PTPRD: variants seen among roughly 807,000 people sequenced by gnomAD.
PTPRD encodes the protein receptor-type tyrosine-protein phosphatase delta.
In PTPRD, 34 loss-of-function variants were observed where a neutral mutation model predicts 214.5. The ratio of observed to expected loss-of-function variants is 0.16; its 90% CI spans 0.12 to 0.21. The LOEUF (loss-of-function observed/expected upper bound fraction) is 0.21. Ranked by LOEUF, PTPRD falls within the 10% of genes least tolerant of loss-of-function variation. The pLI is 1.00. For missense variants in PTPRD, 2,545 were observed against 2,398.7 expected, an observed-to-expected ratio of 1.06 and a Z score of -1.27; for synonymous variants, 1,128 against 845.7, an observed-to-expected ratio of 1.33 and a Z score of -5.79.
intron 8 of PTPRD, among the ~76,000 whole-genome samples, chr9:9,441,437 T>C (rs1033286418): frequency 6.6e-6 from 1 of 152,222 alleles, no homozygotes; most frequent in Non-Finnish European, 1.5e-5. Context: ...AAGATAATGC[T>C]GTCTATGGAA....
At chr9:9,412,654 T>C (rs2075828852) in intron 8 of PTPRD, among the ~76,000 whole-genome samples, 1 of 152,188 alleles carries the variant, frequency 6.6e-6, no homozygotes, top group Non-Finnish European at 1.5e-5. Context: ...TTTGTCTTCA[T>C]ACACACCTCT....
rs758440571 is a variant in PTPRD at position 9,847,524 on chromosome 9, A to C, written c.-367-80673T>G. On this transcript the variant is annotated intron_variant, in intron 5 of 45. Coordinates refer to ENST00000381196, the MANE Select transcript of PTPRD (RefSeq NM_002839.4). ...ATAACGTCCCTGTTCTCTGGACCTA[A>C]TATGCACAGTCACCCCACTTTTTCA... is the stretch of plus-strand genomic sequence containing the variant. Among the ~76,000 whole-genome samples the C allele has an allele frequency of 2.5e-4, 38 of 152,226 alleles. 1 individual carries two copies. The highest frequency in any genetic ancestry group is 4.6e-4 in the Non-Finnish European group (31 of 68,018).
At chr9:8,929,755 A>ATATATATGTG (rs1285445116) in intron 11 of PTPRD, among the ~76,000 whole-genome samples, 24 of 58,072 alleles carry the variant, frequency 4.1e-4, no homozygotes, top group Non-Finnish European at 6.0e-4. Flanking sequence ...GTATATATAT[A>ATATATATGTG]TGTATATATA....
intron 3 of PTPRD, among the ~76,000 whole-genome samples, chr9:10,088,356 A>G (rs1364287785): frequency 6.6e-6 from 1 of 151,770 alleles, no homozygotes; most frequent in East Asian, 1.9e-4. Context: ...ATTAGAAACA[A>G]TTCTTCAATA....
At chr9:8,880,582 G>C (rs2098437292) in intron 11 of PTPRD, among the ~76,000 whole-genome samples, 1 of 152,054 alleles carries the variant, frequency 6.6e-6, no homozygotes, top group South Asian at 2.1e-4. Flanking sequence ...TTACTGCAAA[G>C]ACAAGCAAAC....
intron 3 of PTPRD, among the ~76,000 whole-genome samples, chr9:10,107,727 T>A (rs184177042): frequency 6.6e-6 from 1 of 152,244 alleles, no homozygotes. Flanking sequence ...ATATGTAGTA[T>A]GTGCTAAATA....
At chr9:8,765,127 A>G (rs2094633301) in intron 11 of PTPRD, among the ~76,000 whole-genome samples, 1 of 152,136 alleles carries the variant, frequency 6.6e-6, no homozygotes, top group African/African-American at 2.4e-5. Flanking sequence ...CAAATTTTGC[A>G]ATTACCAAAT....
At chr9:10,509,256 A>T (rs755797353) in intron 2 of PTPRD, among the ~76,000 whole-genome samples, 1 of 151,894 alleles carries the variant, frequency 6.6e-6, no homozygotes, top group Non-Finnish European at 1.5e-5. Flanking sequence ...TTCCTCATTC[A>T]TCCTTCAGTT....
intron 5 of PTPRD, among the ~76,000 whole-genome samples, chr9:9,879,290 T>C (rs578004950): frequency 5.3e-5 from 8 of 152,192 alleles, no homozygotes; most frequent in African/African-American, 1.7e-4. Flanking sequence ...TGTGTGTAGG[T>C]TGTTTAGTAG....
At chr9:10,088,638 G>A (rs1345051800) in intron 3 of PTPRD, among the ~76,000 whole-genome samples, 1 of 151,770 alleles carries the variant, frequency 6.6e-6, no homozygotes, top group Non-Finnish European at 1.5e-5. Flanking sequence ...TGTGGGGGCA[G>A]TAGTCAAGTA....
chr9:9,890,142 T>A (rs1228793439), intron 5 of PTPRD, among the ~76,000 whole-genome samples: 2 of 152,030 alleles, frequency 1.3e-5, no homozygotes, highest in East Asian at 3.9e-4. Context: ...CATTTCTGAT[T>A]TTTTAAAATA....
intron 11 of PTPRD, among the ~76,000 whole-genome samples, chr9:8,946,723 T>G (rs962698336): frequency 6.6e-6 from 1 of 152,200 alleles, no homozygotes; most frequent in African/African-American, 2.4e-5. Context: ...GATCCCCAGG[T>G]TGCTCTCTTT....
At chr9:9,058,417 T>C (rs1048573484) in intron 10 of PTPRD, among the ~76,000 whole-genome samples, 9 of 145,592 alleles carry the variant, frequency 6.2e-5, no homozygotes, top group African/African-American at 1.7e-4. Context: ...ATAATAGCAA[T>C]ATTGGTGAGA....
rs546074411 is a variant in PTPRD at position 10,426,324 on chromosome 9, T to G, written c.-599-85307A>C. Reference sequence around the variant, plus strand: ...TTGCTCTGAGTTACTTTTTTTTCCTTTAATTGAGCCCTCATTCTTGCTTTT... The same window carrying G: ...TTGCTCTGAGTTACTTTTTTTTCCTGTAATTGAGCCCTCATTCTTGCTTTT... On this transcript the variant is annotated intron_variant, in intron 2 of 45. Coordinates refer to ENST00000381196, the MANE Select transcript of PTPRD (RefSeq NM_002839.4). 5.9e-5 allele frequency among the ~76,000 whole-genome samples: 9 copies of G among 152,156 alleles called. 1 individual carries two copies. The South Asian group carries it at 1.9e-3, about 32-fold the overall frequency.
At chr9:8,418,544 G>C (rs1331607052) in intron 35 of PTPRD, among the ~76,000 whole-genome samples, 2 of 151,528 alleles carry the variant, frequency 1.3e-5, no homozygotes, top group Non-Finnish European at 2.9e-5. Flanking sequence ...CTAGCCCAGT[G>C]CATGTAAAAT....
chr9:10,076,816 T>G (rs1463013451), intron 3 of PTPRD, among the ~76,000 whole-genome samples: 1 of 152,146 alleles, frequency 6.6e-6, no homozygotes, highest in Non-Finnish European at 1.5e-5. Context: ...TCCTCACAGC[T>G]AAATAAACCT....
chr9:9,106,326 CAAT>C (rs2099798501), intron 10 of PTPRD, among the ~76,000 whole-genome samples: 2 of 151,732 alleles, frequency 1.3e-5, no homozygotes, highest in African/African-American at 4.8e-5. Context: ...ACAATAATAA[CAAT>C]AGGCATGTAC....
In PTPRD at chr9:10,072,360, T is replaced by C. The variant is rs192256230; in HGVS notation, c.-544-38570A>G. ...CAGTGAGTATATAGTGTGTCCAGAG[T>C]TGGTTCCTTCCAGTGGGTTCGTGAT... is the stretch of plus-strand genomic sequence containing the variant. On this transcript the variant is annotated intron_variant, in intron 3 of 45. Coordinates refer to ENST00000381196, the MANE Select transcript of PTPRD (RefSeq NM_002839.4). Among the ~76,000 whole-genome samples, 181 of 152,108 alleles carry C rather than the reference T, an allele frequency of 1.2e-3. 1 individual carries two copies. Among genetic ancestry groups the C allele is most frequent in the South Asian group, 2.1e-3 (10 of 4,812 alleles).
chr9:9,513,039 A>C lies in PTPRD; in HGVS notation c.-237+61693T>G, dbSNP rs4742606. On this transcript the variant is annotated intron_variant, in intron 8 of 45. Coordinates refer to ENST00000381196, the MANE Select transcript of PTPRD (RefSeq NM_002839.4). ...ATCTAGATGTGTTACTGGTTAACACATCTACTACTGGCCTGTAATTAGTGA... is the reference window on the plus strand; with the variant it reads ...ATCTAGATGTGTTACTGGTTAACACCTCTACTACTGGCCTGTAATTAGTGA... Among the ~76,000 whole-genome samples the C allele has an allele frequency of 9.2e-5, 14 of 151,728 alleles. No homozygotes were observed. In the South Asian group the frequency reaches 2.9e-3, roughly 31 times the overall value.
Sources: gnomAD v4.1 joint callset for allele counts (sites outside exome capture counted in the v4.1 genomes callset) on GRCh38, gnomAD v4.1.1 for gene constraint, MANE v1.5 for transcripts, NCBI Gene and HGNC (gene_info 2026-07-23, HGNC 2026-07-21) for gene names.